Variants in LARP1 observed in about 807,000 individuals in gnomAD.
The protein encoded by LARP1 is la-related protein 1.
Under a neutral mutation model 122.7 loss-of-function variants are expected in LARP1, and 36 were observed. The ratio of observed to expected loss-of-function variants is 0.29; its 90% CI spans 0.22 to 0.39. LARP1 has a LOEUF of 0.39. Ranked by LOEUF, LARP1 falls within the 10% of genes least tolerant of loss-of-function variation. The pLI, the probability that LARP1 is intolerant of heterozygous loss-of-function variation, is 1.00. For missense variants in LARP1, 1,040 were observed against 1,403.6 expected (o/e 0.74, Z 4.14); for synonymous variants, 539 against 528.7 (o/e 1.02, Z -0.27).
chr5:154,805,858 A>G (rs372585875), intron 14 of LARP1, 23 bp from the exon 15 acceptor site: 19 of 1,609,986 alleles, frequency 1.2e-5, no homozygotes, highest in African/African-American at 5.3e-5. Context: ...ACCTGGTGAC[A>G]GTATTTTTTG....
Position 154,794,155 on chromosome 5 carries a change from T to C in LARP1, c.1125T>C (p.Arg375=), listed in dbSNP as rs1403356034. The change falls in exon 7 of 19, where the codon CGT becomes CGC. Residue 375 remains arginine, a synonymous_variant. Coordinates refer to ENST00000518297, the MANE Select transcript of LARP1 (RefSeq NM_033551.3). ...AGTTTGATGGTGTGGAGGGGCCTCG[T>C]ACGCCCAAGTACATGAACAACATCA... ...YRKFDGVEGP[R]TPKYMNNITY... is the part of the protein sequence containing the mutation. The C allele has an allele frequency of 3.4e-5, 55 of 1,614,090 alleles. No homozygotes were observed. The highest frequency in any genetic ancestry group is 4.7e-5 in the Non-Finnish European group (55 of 1,180,034).
At chr5:154,764,958 T>A (rs978540149) in intron 1 of LARP1, among the ~76,000 whole-genome samples, 8 of 152,088 alleles carry the variant, frequency 5.3e-5, no homozygotes, top group Middle Eastern at 6.8e-3. Context: ...TCTAAATGCT[T>A]GTACCGCCTC....
At chr5:154,727,707 C>T (rs185694193) in intron 1 of LARP1, among the ~76,000 whole-genome samples, 55 of 152,142 alleles carry the variant, frequency 3.6e-4, no homozygotes, top group Non-Finnish European at 1.3e-4. Context: ...TTAATTATTC[C>T]ACAATGTATA....
intron 1 of LARP1, among the ~76,000 whole-genome samples, chr5:154,723,246 C>A (rs1256883603): frequency 6.6e-6 from 1 of 152,196 alleles, no homozygotes; most frequent in African/African-American, 2.4e-5. Flanking sequence ...CAGGGGTTGT[C>A]AATGCCTTAA....
chr5:154,706,884 A>G (rs904315013), intron 1 of LARP1, among the ~76,000 whole-genome samples: 3 of 152,218 alleles, frequency 2.0e-5, no homozygotes, highest in Admixed American at 6.5e-5. Flanking sequence ...GCATTTTCCC[A>G]GTAAATACTT....
upstream of LARP1, among the ~76,000 whole-genome samples, chr5:154,710,769 A>ACTG (rs1262053814): frequency 6.7e-6 from 1 of 149,582 alleles, no homozygotes; most frequent in Admixed American, 6.7e-5. Flanking sequence ...AAAAAATCAT[A>ACTG]CTGAAACCTC....
At chr5:154,698,015 G>C (rs998814563) in intron 1 of LARP1, among the ~76,000 whole-genome samples, 10 of 151,958 alleles carry the variant, frequency 6.6e-5, no homozygotes, top group African/African-American at 2.4e-4. Flanking sequence ...CAGTTGAAAT[G>C]AGGTTGGGTG....
rs1757946219 is a variant in LARP1, at chr5:154,797,224, T to TG, written c.1377+1905_1377+1906insG. 3.2e-5 allele frequency among the ~76,000 whole-genome samples: 3 copies of TG among 93,202 alleles called. No homozygotes were observed. The Admixed American group carries it at 3.5e-4, about 11-fold the overall frequency. 61.1% of individuals were successfully genotyped at this position (93,202 alleles called of 152,430 possible). On this transcript the variant is annotated intron_variant, in intron 8 of 18. Coordinates refer to ENST00000518297, the MANE Select transcript of LARP1 (RefSeq NM_033551.3). Reference sequence around the variant, plus strand: ...GTTATTCTGTTTTGTTGTTGTTGTTTTTTTTTTTTTTTTTTTTTTTTTTTT... The same window carrying TG: ...GTTATTCTGTTTTGTTGTTGTTGTTTGTTTTTTTTTTTTTTTTTTTTTTTTT...
intron 1 of LARP1, among the ~76,000 whole-genome samples, chr5:154,784,988 G>T (rs1582403130): frequency 6.6e-6 from 1 of 152,234 alleles, no homozygotes; most frequent in East Asian, 1.9e-4. Context: ...AAAGTGGAAT[G>T]ACTGAATTTC....
At chr5:154,762,084 T>C (rs1188680711) in intron 1 of LARP1, among the ~76,000 whole-genome samples, 2 of 151,976 alleles carry the variant, frequency 1.3e-5, no homozygotes, top group Non-Finnish European at 2.9e-5. Context: ...CTACTAAAAA[T>C]ACAAAAAAAT....
chr5:154,745,459 C>T (rs771903111), intron 1 of LARP1, among the ~76,000 whole-genome samples: 1 of 152,168 alleles, frequency 6.6e-6, no homozygotes, highest in Non-Finnish European at 1.5e-5. Context: ...ATATCAAGCA[C>T]TGTTCTAAGT....
At chr5:154,786,890 T>C (rs1439855812) in intron 1 of LARP1, among the ~76,000 whole-genome samples, 1 of 152,038 alleles carries the variant, frequency 6.6e-6, no homozygotes, top group Non-Finnish European at 1.5e-5. Flanking sequence ...TCTTTTTTTT[T>C]TTTTTGGGAT....
At chr5:154,793,364 A>G (rs562459953) in intron 4 of LARP1, among the ~76,000 whole-genome samples, 7 of 152,316 alleles carry the variant, frequency 4.6e-5, no homozygotes, top group Admixed American at 1.3e-4. Context: ...TTCTGTGGCC[A>G]TGGAGACACT....
chr5:154,755,056 A>G (rs896121990), upstream of LARP1, among the ~76,000 whole-genome samples: 1 of 150,830 alleles, frequency 6.6e-6, no homozygotes, highest in Admixed American at 6.6e-5. Context: ...CTTCTCTCCT[A>G]TCCCCGTCAG....
chr5:154,753,004 G>A (rs1445262446), upstream of LARP1, among the ~76,000 whole-genome samples: 1 of 151,996 alleles, frequency 6.6e-6, no homozygotes, highest in Non-Finnish European at 1.5e-5. Context: ...CTCTGGGGCA[G>A]AGCAGGCCCA....
At chr5:154,782,637 C>G (rs1756556761) in intron 1 of LARP1, among the ~76,000 whole-genome samples, 1 of 152,196 alleles carries the variant, frequency 6.6e-6, no homozygotes, top group African/African-American at 2.4e-5. Flanking sequence ...TGGTCTGCAG[C>G]TTCCTTTCAG....
In LARP1 at chr5:154,796,147, T is replaced by A. The variant is rs1194984774; in HGVS notation, c.1377+828T>A. On this transcript the variant is annotated intron_variant, in intron 8 of 18. Transcript: ENST00000518297. ...TATATATATTTTATATATTTATATA[T>A]TATATATATATTTTATGTATTTATA... 1.4e-4 allele frequency among the ~76,000 whole-genome samples: 18 copies of A among 125,694 alleles called. No individual in the cohort carries two copies. The East Asian group carries it at 3.3e-3, about 23-fold the overall frequency. The allele number at this position is 125,694 out of a possible 152,430, so 82.5% of individuals were successfully genotyped here. A position where few individuals can be genotyped will look rare whatever the true frequency, so the allele number is the denominator to read the frequency against.
At chr5:154,707,230 A>G (rs1754993704) in intron 1 of LARP1, among the ~76,000 whole-genome samples, 1 of 152,226 alleles carries the variant, frequency 6.6e-6, no homozygotes. Context: ...CAATACAGCC[A>G]GACCCTATCT....
At chr5:154,771,758 C>T (rs933792667) in intron 1 of LARP1, among the ~76,000 whole-genome samples, 1 of 152,144 alleles carries the variant, frequency 6.6e-6, no homozygotes, top group Non-Finnish European at 1.5e-5. Flanking sequence ...GGCTCTTATT[C>T]CCCTAGAGAT....
Sources: allele counts gnomAD v4.1 joint callset (sites outside exome capture counted in the v4.1 genomes callset), GRCh38; gene constraint gnomAD v4.1.1; transcripts MANE v1.5; gene names NCBI Gene and HGNC (gene_info 2026-07-23, HGNC 2026-07-21).